Variants in SLC26A4 observed in about 807,000 individuals in gnomAD.
The protein encoded by SLC26A4 is pendrin.
A neutral mutation model predicts 90.4 loss-of-function variants in SLC26A4; 93 were observed. The ratio of observed to expected loss-of-function variants is 1.03; its 90% CI spans 0.87 to 1.22. The LOEUF (loss-of-function observed/expected upper bound fraction) is 1.22, where lower values mean the gene tolerates loss of function less well. SLC26A4 is among the 50% of genes most tolerant of loss of function. SLC26A4 has a pLI of 0.00. For missense variants in SLC26A4, 1,127 were observed against 946.2 expected (o/e 1.19, Z -2.51); for synonymous variants, 393 against 354.6 (o/e 1.11, Z -1.22).
chr7:107,700,746 G>T (rs1458482510), intron 15 of SLC26A4, among the ~76,000 whole-genome samples: 1 of 152,238 alleles, frequency 6.6e-6, no homozygotes, highest in Non-Finnish European at 1.5e-5. Context: ...AGGGCAAACT[G>T]ATTCAGAGGA....
chr7:107,674,712 C>A (rs1790974210), intron 5 of SLC26A4, among the ~76,000 whole-genome samples: 1 of 152,176 alleles, frequency 6.6e-6, no homozygotes, highest in Admixed American at 6.5e-5. Flanking sequence ...TTTCTAAGTA[C>A]ATGTATAGAA....
At position 107,661,971 on chromosome 7, in the gene SLC26A4, G is replaced by T; in HGVS notation, c.164+166G>T. 2.8e-6 allele frequency: 2 copies of T among 726,520 alleles called. No individual in the cohort carries two copies. Among genetic ancestry groups the T allele is most frequent in the Non-Finnish European group, 4.4e-6 (2 of 453,824 alleles). The allele number at this position is 726,520 out of a possible 1,614,324, so 45.0% of individuals were successfully genotyped here. ...CTTTCGGTCTCCGGTCCTCCACGCCGCCCTTCTGGTGGGAGGGTGGCTCCA... is the reference window on the plus strand; with the variant it reads ...CTTTCGGTCTCCGGTCCTCCACGCCTCCCTTCTGGTGGGAGGGTGGCTCCA... On this transcript the variant is annotated intron_variant, in intron 2 of 20. Coordinates refer to ENST00000644269, the MANE Select transcript of SLC26A4 (RefSeq NM_000441.2). This position sits in a 1 kb window ranked among gnomAD's most constrained non-coding sequence, Gnocchi z 5.1.
chr7:107,694,820 T>C, intron 12 of SLC26A4, 104 bp downstream of exon 12: 1 of 819,482 alleles, frequency 1.2e-6, no homozygotes, highest in East Asian at 2.5e-5. Context: ...CACTTGTGCT[T>C]TGGGAACTCC....
In SLC26A4 at chr7:107,700,336, T is replaced by G. The variant is rs1163632603; in HGVS notation, c.1707+161T>G. 2.0e-5 allele frequency among the ~76,000 whole-genome samples: 3 copies of G among 152,118 alleles called. No homozygotes were observed. The East Asian group carries it at 5.8e-4, about 29-fold the overall frequency. On this transcript the variant is annotated intron_variant, in intron 15 of 20. Transcript: ENST00000644269. ...TATAACATCCTTGCCTTCAAATAAT[T>G]TACAGTCTATTTGGGGATTAAAAAA...
intron 20 of SLC26A4, 100 bp downstream of exon 20, chr7:107,712,722 A>G (rs933892070): frequency 6.5e-5 from 49 of 752,144 alleles, no homozygotes; most frequent in Non-Finnish European, 1.1e-4. Flanking sequence ...GTCAGGGAAC[A>G]TAATTCCCCC....
chr7:107,710,915 T>C (rs1792167791), intron 19 of SLC26A4, among the ~76,000 whole-genome samples: 1 of 152,194 alleles, frequency 6.6e-6, no homozygotes, highest in African/African-American at 2.4e-5. Flanking sequence ...TATCAAGATA[T>C]AATAACAGTA....
intron 14 of SLC26A4, among the ~76,000 whole-genome samples, chr7:107,698,475 C>T (rs1791803054): frequency 6.6e-6 from 1 of 152,094 alleles, no homozygotes; most frequent in African/African-American, 2.4e-5. Context: ...TGCCACCACG[C>T]CTGGCTAATT....
intron 3 of SLC26A4, among the ~76,000 whole-genome samples, chr7:107,666,486 T>G (rs562260129): frequency 6.6e-6 from 1 of 152,300 alleles, no homozygotes; most frequent in Admixed American, 6.5e-5. Flanking sequence ...CCTCCCAAAG[T>G]GCTGGGATTA....
Position 107,675,127 on chromosome 7 carries a change from C to T in SLC26A4, c.765+18C>T. On this transcript the variant is annotated intron_variant, in intron 6 of 20. Transcript: ENST00000644269. ...TTATCTATGTAAGTGTTGCTTCTTG[C>T]TCCAGGGATGGGTCACTGTTCATTC... 6.2e-7 allele frequency: 1 copy of T among 1,610,966 alleles called. No homozygotes were observed. The highest frequency in any genetic ancestry group is 8.5e-7 in the Non-Finnish European group (1 of 1,177,540).
intron 18 of SLC26A4, among the ~76,000 whole-genome samples, chr7:107,705,332 A>C (rs1204528021): frequency 6.6e-6 from 1 of 152,180 alleles, no homozygotes; most frequent in Non-Finnish European, 1.5e-5. Context: ...TTTCAGAGAG[A>C]GACCATTCGA....
chr7:107,713,652 C>G (rs992772523), intron 20 of SLC26A4, among the ~76,000 whole-genome samples: 1 of 152,202 alleles, frequency 6.6e-6, no homozygotes, highest in Non-Finnish European at 1.5e-5. Flanking sequence ...CATGACCTAC[C>G]TTGATCTCAT....
chr7:107,679,947 CTTATATAATATAATCTTA>C (rs1194096051), intron 6 of SLC26A4, among the ~76,000 whole-genome samples: 2,742 of 125,174 alleles, frequency 0.022, 136 homozygotes, highest in African/African-American at 0.072. Flanking sequence ...ATAATCTTAT[CTTATATAATATAATCTTA>C]TTATATAATA....
chr7:107,683,802 C>T (rs900188949), intron 8 of SLC26A4, among the ~76,000 whole-genome samples: 1 of 152,040 alleles, frequency 6.6e-6, no homozygotes, highest in African/African-American at 2.4e-5. Flanking sequence ...ACACCAGAGT[C>T]CTGATTTAAA....
At chr7:107,677,918 A>G (rs1222580207) in intron 6 of SLC26A4, among the ~76,000 whole-genome samples, 1 of 152,122 alleles carries the variant, frequency 6.6e-6, no homozygotes, top group Non-Finnish European at 1.5e-5. Context: ...TGTCCAGCCC[A>G]TATTTTAAAA....
Position 107,689,270 on chromosome 7 carries a change from T to C in SLC26A4, c.1149+70T>C. The C allele has an allele frequency of 2.6e-6, 4 of 1,544,130 alleles. No homozygotes were observed. The South Asian group carries it at 4.5e-5, about 17-fold the overall frequency. The stretch of plus-strand genomic sequence containing the variant: ...AGGAAAAAAACATAAATGGAAAAGA[T>C]TTTGGTGTCAGCTAAAGAAGGGGTT... On this transcript the variant is annotated intron_variant, in intron 9 of 20. Coordinates refer to ENST00000644269, the MANE Select transcript of SLC26A4 (RefSeq NM_000441.2).
chr7:107,661,486 C>T lies in SLC26A4; in HGVS notation c.-3-153C>T, dbSNP rs944495881. Reference sequence around the variant, plus strand: ...CGCGCCGTGGGGCGCTTGTCGCGAGCGCCGAGGGCTGCAGGACGCGGACCA... The same window carrying T: ...CGCGCCGTGGGGCGCTTGTCGCGAGTGCCGAGGGCTGCAGGACGCGGACCA... On this transcript the variant is annotated intron_variant, in intron 1 of 20. Coordinates refer to ENST00000644269, the MANE Select transcript of SLC26A4 (RefSeq NM_000441.2). This position sits in a 1 kb window ranked among gnomAD's most constrained non-coding sequence, Gnocchi z 5.1. 2.3e-6 allele frequency: 2 copies of T among 860,190 alleles called. No homozygotes were observed. Among genetic ancestry groups the T allele is most frequent in the Non-Finnish European group, 3.6e-6 (2 of 552,328 alleles). The allele number at this position is 860,190 out of a possible 1,614,324, so 53.3% of individuals were successfully genotyped here. A position where few individuals can be genotyped will look rare whatever the true frequency, so the allele number is the denominator to read the frequency against.
intron 3 of SLC26A4, among the ~76,000 whole-genome samples, chr7:107,668,811 C>T (rs892378777): frequency 6.6e-6 from 1 of 152,164 alleles, no homozygotes; most frequent in African/African-American, 2.4e-5. Context: ...TGCGTCCTCA[C>T]ATGGTGGAAG....
At chr7:107,693,799 GA>G (rs1791649935) in intron 10 of SLC26A4, 1 of 774,788 alleles carries the variant, frequency 1.3e-6, no homozygotes, top group African/African-American at 1.9e-5. Context: ...TGCCTCCGTG[GA>G]ACTGTCAGAG....
chr7:107,695,881 A>T, intron 12 of SLC26A4, 52 bp from the exon 13 acceptor site: 2 of 887,316 alleles, frequency 2.3e-6, no homozygotes, highest in Admixed American at 3.4e-5. Flanking sequence ...TTATCACATG[A>T]TGGTACCTGA....
Sources: allele counts gnomAD v4.1 joint callset (sites outside exome capture counted in the v4.1 genomes callset), GRCh38; gene constraint gnomAD v4.1.1; non-coding constraint Gnocchi (gnomAD v3.1); transcripts MANE v1.5; gene names NCBI Gene and HGNC (gene_info 2026-07-23, HGNC 2026-07-21).